Variants in GRIK2 observed in about 807,000 individuals in gnomAD.
GRIK2 encodes glutamate receptor ionotropic, kainate 2.
A neutral mutation model predicts 100.3 loss-of-function variants in GRIK2; 32 were observed. The observed-to-expected ratio is 0.32, with a 90% CI of 0.24 to 0.43. The LOEUF (loss-of-function observed/expected upper bound fraction) is 0.43. Among genes scored for constraint, GRIK2 ranks in the 20% least tolerant of loss-of-function variants. The pLI is 1.00. For missense variants in GRIK2, 843 were observed against 1,114.9 expected (o/e 0.76, Z 3.47); for synonymous variants, 417 against 389.4 (o/e 1.07, Z -0.83).
At chr6:101,635,677 A>G (rs1401277840) in intron 4 of GRIK2, among the ~76,000 whole-genome samples, 2 of 152,192 alleles carry the variant, frequency 1.3e-5, no homozygotes, top group Non-Finnish European at 2.9e-5. Flanking sequence ...AACCCTATCA[A>G]AAAGTGGGTG....
At chr6:102,053,260 G>T (rs940650233) in intron 15 of GRIK2, among the ~76,000 whole-genome samples, 22 of 152,154 alleles carry the variant, frequency 1.4e-4, no homozygotes, top group African/African-American at 5.3e-4. Context: ...TTAAAATGGA[G>T]ATACTCTTCC....
intron 11 of GRIK2, among the ~76,000 whole-genome samples, chr6:101,872,374 G>A (rs1785484143): frequency 6.6e-6 from 1 of 151,802 alleles, no homozygotes; most frequent in African/African-American, 2.4e-5. Context: ...AAGCAAACAT[G>A]TCCTTCTTCA....
intron 10 of GRIK2, among the ~76,000 whole-genome samples, chr6:101,849,699 A>C (rs1401540991): frequency 1.3e-5 from 2 of 151,868 alleles, no homozygotes; most frequent in African/African-American, 4.8e-5. Context: ...GGAAAATATG[A>C]ACTGCTCAGT....
chr6:101,924,926 A>G (rs1357201328), intron 13 of GRIK2, among the ~76,000 whole-genome samples: 1 of 152,210 alleles, frequency 6.6e-6, no homozygotes, highest in Non-Finnish European at 1.5e-5. Context: ...GCAAATCCAC[A>G]TAGAGTATAC....
intron 7 of GRIK2, among the ~76,000 whole-genome samples, chr6:101,745,722 G>C (rs1233948784): frequency 6.6e-6 from 1 of 151,962 alleles, no homozygotes; most frequent in Non-Finnish European, 1.5e-5. Context: ...TCTTCAGGGT[G>C]CTCTCCCTGC....
chr6:101,968,445 C>T (rs1019539355), intron 14 of GRIK2, among the ~76,000 whole-genome samples: 6 of 151,974 alleles, frequency 3.9e-5, no homozygotes, highest in African/African-American at 1.4e-4. Context: ...TACATGACAA[C>T]TTCTACTCCT....
At chr6:101,692,207 T>C (rs1772160116) in intron 7 of GRIK2, among the ~76,000 whole-genome samples, 1 of 152,122 alleles carries the variant, frequency 6.6e-6, no homozygotes, top group African/African-American at 2.4e-5. Flanking sequence ...CTTTAATTCA[T>C]TTGAAATGAA....
At chr6:101,571,199 C>T (rs1777508488) in intron 2 of GRIK2, among the ~76,000 whole-genome samples, 1 of 152,064 alleles carries the variant, frequency 6.6e-6, no homozygotes, top group Admixed American at 6.6e-5. Flanking sequence ...TCACAGTGAT[C>T]AGTATTGATA....
At chr6:101,774,184 T>G (rs1295628992) in intron 7 of GRIK2, among the ~76,000 whole-genome samples, 1 of 152,144 alleles carries the variant, frequency 6.6e-6, no homozygotes, top group Non-Finnish European at 1.5e-5. Context: ...TATTTTTGGT[T>G]TGCATACACC....
At chr6:101,865,710 A>C (rs1458022358) in intron 11 of GRIK2, among the ~76,000 whole-genome samples, 3 of 151,994 alleles carry the variant, frequency 2.0e-5, no homozygotes, top group Non-Finnish European at 4.4e-5. Context: ...AACATGGTGA[A>C]AACCCGTCTC....
intron 7 of GRIK2, among the ~76,000 whole-genome samples, chr6:101,724,548 G>A (rs1227173653): frequency 6.6e-6 from 1 of 151,814 alleles, no homozygotes; most frequent in East Asian, 1.9e-4. Context: ...GGCTATCTAG[G>A]ATTCCATGGT....
At chr6:102,044,634 G>T (rs982553714) in intron 15 of GRIK2, among the ~76,000 whole-genome samples, 4 of 151,888 alleles carry the variant, frequency 2.6e-5, no homozygotes, top group African/African-American at 7.3e-5. Context: ...GTCTCCCACT[G>T]GCTCCCTCCC....
At chr6:101,893,062 A>C (rs1238966792) in intron 12 of GRIK2, among the ~76,000 whole-genome samples, 1 of 151,260 alleles carries the variant, frequency 6.6e-6, no homozygotes, top group Admixed American at 6.6e-5. Context: ...GTATAATTTA[A>C]TTGCCTTTGT....
At chr6:101,620,815 C>A (rs904564925) in intron 2 of GRIK2, among the ~76,000 whole-genome samples, 3 of 151,994 alleles carry the variant, frequency 2.0e-5, no homozygotes, top group African/African-American at 7.3e-5. Flanking sequence ...TTATTCAAAC[C>A]AACAATGATT....
chr6:101,990,978 T>G (rs1053547052), intron 14 of GRIK2, among the ~76,000 whole-genome samples: 25 of 151,904 alleles, frequency 1.6e-4, no homozygotes, highest in African/African-American at 6.0e-4. Flanking sequence ...AATATTTATT[T>G]ACCACAAAAG....
chr6:101,688,305 C>A (rs1394285048), intron 7 of GRIK2, among the ~76,000 whole-genome samples: 5 of 151,496 alleles, frequency 3.3e-5, no homozygotes, highest in Admixed American at 6.6e-5. Context: ...GACTAATGTG[C>A]CCCTTCATGT....
At chr6:101,471,061 A>G (rs1388549969) in intron 2 of GRIK2, among the ~76,000 whole-genome samples, 3 of 152,084 alleles carry the variant, frequency 2.0e-5, no homozygotes, top group African/African-American at 7.2e-5. Flanking sequence ...TATCAGTTCC[A>G]CATTTTCACT....
At chr6:102,011,490 C>G (rs1372443230) in intron 14 of GRIK2, among the ~76,000 whole-genome samples, 1 of 150,126 alleles carries the variant, frequency 6.7e-6, no homozygotes, top group East Asian at 1.9e-4. Context: ...TCTTCTCATT[C>G]TCTTGACATT....
At chr6:101,609,017 A>T (rs1779561254) in intron 2 of GRIK2, among the ~76,000 whole-genome samples, 1 of 151,676 alleles carries the variant, frequency 6.6e-6, no homozygotes, top group African/African-American at 2.4e-5. Flanking sequence ...TTCACTCTGG[A>T]TTAACTAGCA....
Sources: allele counts gnomAD v4.1 joint callset (sites outside exome capture counted in the v4.1 genomes callset), GRCh38; gene constraint gnomAD v4.1.1; transcripts MANE v1.5; gene names NCBI Gene and HGNC (gene_info 2026-07-23, HGNC 2026-07-21).